Variants in TAMM41 observed in about 807,000 individuals in gnomAD.
TAMM41 encodes the protein TAM41 mitochondrial translocator assembly and maintenance homolog.
In TAMM41, 36 loss-of-function variants were observed where a neutral mutation model predicts 44.1. That is an observed-to-expected ratio of 0.82 (90% CI 0.63 to 1.08). The LOEUF is 1.08. TAMM41 is among the 50% of genes least tolerant of loss of function. The probability of loss-of-function intolerance (pLI) is 0.00; values close to 1 mark genes in which losing one functional copy is unlikely to be tolerated. For missense variants in TAMM41, 417 were observed against 404.3 expected, an observed-to-expected ratio of 1.03 and a Z score of -0.27; for synonymous variants, 164 against 153.1, an observed-to-expected ratio of 1.07 and a Z score of -0.53.
intron 7 of TAMM41, among the ~76,000 whole-genome samples, chr3:11,804,964 A>G (rs2077857383): frequency 6.8e-6 from 1 of 147,360 alleles, no homozygotes; most frequent in African/African-American, 2.5e-5. Context: ...TCCTGGGCTC[A>G]GGACTACGGG....
chr3:11,839,056 T>C (rs1280937821), intron 3 of TAMM41, among the ~76,000 whole-genome samples, 166 bp downstream of exon 3: 2 of 152,180 alleles, frequency 1.3e-5, no homozygotes, highest in African/African-American at 4.8e-5. Context: ...TATATCACAA[T>C]AGAATATGTG....
downstream of TAMM41, among the ~76,000 whole-genome samples, chr3:11,788,924 C>T (rs545613399): frequency 2.7e-5 from 4 of 146,372 alleles, no homozygotes; most frequent in Admixed American, 2.8e-4. Flanking sequence ...GCAACAAGGG[C>T]GAAATTCCAT....
At chr3:11,846,457 T>G (rs774176177) in intron 1 of TAMM41, 45 bp downstream of exon 1, 1 of 1,611,208 alleles carries the variant, frequency 6.2e-7, no homozygotes, top group South Asian at 1.1e-5. Context: ...AAAACGGGAC[T>G]CGTGAGAACA....
the TAMM41 span, among the ~76,000 whole-genome samples, chr3:11,725,163 T>G: frequency 8.3e-6 from 1 of 120,650 alleles, no homozygotes; most frequent in African/African-American, 3.2e-5. Context: ...CCTCTTCTCC[T>G]CCCTCCTTGT....
chr3:11,730,730 T>A, the TAMM41 span, among the ~76,000 whole-genome samples: 4 of 151,858 alleles, frequency 2.6e-5, no homozygotes, highest in African/African-American at 9.7e-5. Flanking sequence ...TGAGACTACA[T>A]CTCAAAAAGA....
chr3:11,740,796 C>G, the TAMM41 span, among the ~76,000 whole-genome samples: 4 of 144,346 alleles, frequency 2.8e-5, no homozygotes, highest in Admixed American at 2.7e-4. Context: ...GAACTCCTGA[C>G]CTCAGGTGAT....
At chr3:11,780,950 T>G in the TAMM41 span, among the ~76,000 whole-genome samples, 1 of 152,112 alleles carries the variant, frequency 6.6e-6, no homozygotes, top group Middle Eastern at 3.2e-3. Flanking sequence ...GAGAGTGGAT[T>G]TTATCTTCTC....
chr3:11,816,815 G>A (rs893365183), intron 5 of TAMM41, among the ~76,000 whole-genome samples: 2 of 152,100 alleles, frequency 1.3e-5, no homozygotes, highest in African/African-American at 2.4e-5. Flanking sequence ...ACACCAAACT[G>A]TCAGTACAGT....
the TAMM41 span, among the ~76,000 whole-genome samples, chr3:11,769,280 G>C: frequency 1.3e-5 from 2 of 152,104 alleles, no homozygotes; most frequent in African/African-American, 2.4e-5. Flanking sequence ...AGTAAAGATG[G>C]GGTTTCACCA....
the TAMM41 span, among the ~76,000 whole-genome samples, chr3:11,735,233 C>T: frequency 2.6e-5 from 4 of 152,052 alleles, no homozygotes; most frequent in Non-Finnish European, 5.9e-5. Context: ...TGGTGCATGC[C>T]TGTAGTCCCA....
intron 4 of TAMM41, among the ~76,000 whole-genome samples, chr3:11,823,500 A>G (rs2078612572): frequency 6.6e-6 from 1 of 151,522 alleles, no homozygotes. Context: ...CAAGTGATCC[A>G]CCAGCCTTGG....
the TAMM41 span, among the ~76,000 whole-genome samples, chr3:11,768,638 A>C: frequency 6.6e-6 from 1 of 152,250 alleles, no homozygotes; most frequent in Admixed American, 6.5e-5. Context: ...GATTATCAGA[A>C]ATGGCATAGA....
chr3:11,845,211 TG>T (rs1043625830), intron 1 of TAMM41: 16 of 339,396 alleles, frequency 4.7e-5, no homozygotes, highest in African/African-American at 3.3e-4. Context: ...ACTAAGGGGG[TG>T]GGGGAATTAG....
the TAMM41 span, among the ~76,000 whole-genome samples, chr3:11,723,029 A>G: frequency 6.6e-6 from 1 of 152,318 alleles, no homozygotes; most frequent in South Asian, 2.1e-4. Context: ...AGGCTGAAGC[A>G]GGAGAATCAC....
downstream of TAMM41, chr3:11,790,435 A>G: frequency 8.6e-6 from 12 of 1,403,480 alleles, no homozygotes; most frequent in Non-Finnish European, 1.0e-5. Context: ...CAAAGTAACA[A>G]ACACTGTTCT....
At chr3:11,739,655 G>C in the TAMM41 span, among the ~76,000 whole-genome samples, 1 of 75,414 alleles carries the variant, frequency 1.3e-5, no homozygotes, top group Non-Finnish European at 2.3e-5. Context: ...CTGGGCAACA[G>C]AACAAGACTC....
the TAMM41 span, among the ~76,000 whole-genome samples, chr3:11,729,306 CT>C: frequency 6.6e-6 from 1 of 151,794 alleles, no homozygotes; most frequent in East Asian, 1.9e-4. Flanking sequence ...AAATAAAAGC[CT>C]TTTTCAACAC....
chr3:11,836,921 G>A (rs2079203146), intron 3 of TAMM41, among the ~76,000 whole-genome samples: 1 of 152,242 alleles, frequency 6.6e-6, no homozygotes, highest in Non-Finnish European at 1.5e-5. Context: ...TGAAATTTCA[G>A]TAAGCCTATC....
chr3:11,777,058 T>C, the TAMM41 span, among the ~76,000 whole-genome samples: 2 of 152,236 alleles, frequency 1.3e-5, no homozygotes, highest in Non-Finnish European at 2.9e-5. Context: ...ATCTACAGCA[T>C]GGTGACTACA....
Sources: allele counts gnomAD v4.1 joint callset (sites outside exome capture counted in the v4.1 genomes callset), GRCh38; gene constraint gnomAD v4.1.1; transcripts MANE v1.5; gene names NCBI Gene and HGNC (gene_info 2026-07-23, HGNC 2026-07-21).